DGKD: variants seen among roughly 807,000 people sequenced by gnomAD.
DGKD encodes the protein diacylglycerol kinase delta, also known as DAG kinase delta.
A neutral mutation model predicts 154.4 loss-of-function variants in DGKD; 68 were observed. The observed-to-expected ratio is 0.44, with a 90% CI of 0.36 to 0.54. DGKD has a LOEUF of 0.54. DGKD is among the 20% of genes least tolerant of loss of function. DGKD has a pLI of 0.00. For synonymous variants in DGKD, 693 were observed against 638.0 expected (o/e 1.09, Z -1.30); for missense variants, 1,343 against 1,593.6 (o/e 0.84, Z 2.68).
chr2:233,419,463 T>A, intron 3 of DGKD: 4 of 984,674 alleles, frequency 4.1e-6, no homozygotes, highest in Non-Finnish European at 4.8e-6. Context: ...ACTGGGAGGC[T>A]GTTGGGTGGT....
At chr2:233,413,105 AT>A (rs1559517585) in intron 3 of DGKD, among the ~76,000 whole-genome samples, 1 of 152,088 alleles carries the variant, frequency 6.6e-6, no homozygotes, top group Non-Finnish European at 1.5e-5. Context: ...ACTTTAAAAA[AT>A]AGAGAGTCAG....
At chr2:233,425,314 G>C (rs1429060655) in intron 3 of DGKD, among the ~76,000 whole-genome samples, 1 of 152,060 alleles carries the variant, frequency 6.6e-6, no homozygotes, top group Non-Finnish European at 1.5e-5. Flanking sequence ...AGCCTCCTGA[G>C]TAGCTGGGAC....
At chr2:233,415,338 C>A (rs1225942044) in intron 3 of DGKD, among the ~76,000 whole-genome samples, 1 of 152,198 alleles carries the variant, frequency 6.6e-6, no homozygotes, top group East Asian at 1.9e-4. Context: ...GAGATGCCTG[C>A]AGCAAGTGCC....
At chr2:233,380,196 T>G (rs1383810591) in intron 1 of DGKD, among the ~76,000 whole-genome samples, 1 of 152,190 alleles carries the variant, frequency 6.6e-6, no homozygotes, top group African/African-American at 2.4e-5. Flanking sequence ...CTTTTAGATT[T>G]GATGATGCTA....
At chr2:233,428,056 C>G (rs996389908) in intron 3 of DGKD, among the ~76,000 whole-genome samples, 13 of 152,172 alleles carry the variant, frequency 8.5e-5, no homozygotes, top group African/African-American at 2.9e-4. Flanking sequence ...GAATCAGCCT[C>G]CCGAAGAGAC....
rs962875624 is a variant in DGKD at position 233,451,130 on chromosome 2, C to A, written c.2167+80C>A. 7.5e-6 allele frequency: 11 copies of A among 1,475,510 alleles called. No homozygotes were observed. In the East Asian group the frequency reaches 2.5e-4, roughly 33 times the overall value. 91.4% of individuals were successfully genotyped at this position (1,475,510 alleles called of 1,614,324 possible). ...CGTCAAACTGAAAGAGATGGGCTCG[C>A]TGCCCTCGGAGAGTTTACAGGCCCC... On this transcript the variant is annotated intron_variant, in intron 17 of 29. Coordinates refer to ENST00000264057, the MANE Select transcript of DGKD (RefSeq NM_152879.3).
intron 2 of DGKD, 25 bp downstream of exon 2, chr2:233,388,392 A>C: frequency 6.3e-7 from 1 of 1,599,720 alleles, no homozygotes; most frequent in East Asian, 2.2e-5. Context: ...AGGAAAGCAC[A>C]CGCGAGGACA....
In DGKD at chr2:233,469,564, C is replaced by A; in HGVS notation, c.*104C>A. On this transcript the variant is annotated 3_prime_UTR_variant, in exon 30 of 30. Transcript: ENST00000264057. ...CGCCTCCTGCCACTGAGGCCCTGGG[C>A]AGATGCTGCAGCCCGCCCCCTTCTC... is the stretch of plus-strand genomic sequence containing the variant. 2.1e-6 allele frequency: 2 copies of A among 954,842 alleles called. No individual in the cohort carries two copies. Among genetic ancestry groups the A allele is most frequent in the Non-Finnish European group, 3.2e-6 (2 of 625,256 alleles). The allele number at this position is 954,842 out of a possible 1,614,324, so 59.1% of individuals were successfully genotyped here.
In DGKD at chr2:233,368,555, A is replaced by C. The variant is rs531544491; in HGVS notation, c.156+13881A>C. 9.8e-5 allele frequency among the ~76,000 whole-genome samples: 15 copies of C among 152,288 alleles called. No individual in the cohort carries two copies. The South Asian group carries it at 2.9e-3, about 29-fold the overall frequency. ...ATATTTGCTCACTTCAACCGAGTTA[A>C]GGACCACAGTTCCTCCTAAAAAGGC... is the stretch of plus-strand genomic sequence containing the variant. On this transcript the variant is annotated intron_variant, in intron 1 of 29. Transcript: ENST00000264057.
rs767075116 is a variant in DGKD, at chr2:233,448,377, T to C, written c.1614+2T>C. 1 of 1,612,968 alleles carries C rather than the reference T, an allele frequency of 6.2e-7. No individual in the cohort carries two copies. The highest frequency in any genetic ancestry group is 1.1e-5 in the South Asian group (1 of 90,990). The stretch of plus-strand genomic sequence containing the variant: ...GAGTCAGAGGTCATGGCCAAGAAGG[T>C]CTGTTCCCGTGCCCTGGGTGGGAGG... On this transcript the variant is annotated splice_donor_variant, in intron 14 of 29. Coordinates refer to ENST00000264057, the MANE Select transcript of DGKD (RefSeq NM_152879.3). LOFTEE classifies it high-confidence loss of function.
chr2:233,437,590 A>C (rs773869249), intron 8 of DGKD, 111 bp downstream of exon 8: 201 of 1,068,086 alleles, frequency 1.9e-4, no homozygotes, highest in Non-Finnish European at 2.5e-4. Flanking sequence ...TGTCAGCAAG[A>C]GGTCAGGCAC....
At chr2:233,355,885 G>A (rs554814092) in intron 1 of DGKD, among the ~76,000 whole-genome samples, 8 of 152,282 alleles carry the variant, frequency 5.3e-5, no homozygotes, top group East Asian at 1.9e-4. Flanking sequence ...TATCATCTCC[G>A]TCTTTTGGAA....
chr2:233,365,485 T>C (rs1304826368), intron 1 of DGKD, among the ~76,000 whole-genome samples: 4 of 152,148 alleles, frequency 2.6e-5, no homozygotes, highest in Non-Finnish European at 5.9e-5. Context: ...CCTCAGGTGA[T>C]CCACCTGCCT....
At chr2:233,419,497 T>A in intron 3 of DGKD, 1 of 962,672 alleles carries the variant, frequency 1.0e-6, no homozygotes, top group Non-Finnish European at 1.2e-6. Flanking sequence ...GGGTTTGGAA[T>A]TAAGCGGAAG....
At position 233,459,723 on chromosome 2, in the gene DGKD, C is replaced by G. The variant is rs771035747; in HGVS notation, c.2695-34C>G. On this transcript the variant is annotated intron_variant, in intron 22 of 29. Transcript: ENST00000264057. The surrounding 1 kb of genome is among the most constrained non-coding windows in gnomAD (Gnocchi z 5.7). ...ACTTTTAAACCCCTGGGGGTTTTGG[C>G]TCAGCATGAGTAATGGCTATGATGT... 6.2e-7 allele frequency: 1 copy of G among 1,605,274 alleles called. No homozygotes were observed. Among genetic ancestry groups the G allele is most frequent in the Admixed American group, 1.7e-5 (1 of 59,244 alleles).
chr2:233,421,009 C>T lies in DGKD; in HGVS notation c.349-13371C>T, dbSNP rs990493717. ...TTGACTGGTGATCGTCAAATTACCTCCAGAACTATCAGCAGCAGTGGTCAC... is the reference window on the plus strand; with the variant it reads ...TTGACTGGTGATCGTCAAATTACCTTCAGAACTATCAGCAGCAGTGGTCAC... On this transcript the variant is annotated intron_variant, in intron 3 of 29. Coordinates refer to ENST00000264057, the MANE Select transcript of DGKD (RefSeq NM_152879.3). 2.1e-4 allele frequency among the ~76,000 whole-genome samples: 32 copies of T among 152,164 alleles called. 1 individual carries two copies. Among genetic ancestry groups the T allele is most frequent in the Admixed American group, 3.9e-4 (6 of 15,284 alleles).
At chr2:233,456,338 G>A (rs2063461002) in intron 19 of DGKD, among the ~76,000 whole-genome samples, 1 of 152,230 alleles carries the variant, frequency 6.6e-6, no homozygotes, top group South Asian at 2.1e-4. Context: ...GGCCACAGAA[G>A]GAAGCATTGC....
chr2:233,464,750 C>G (rs1251747904), intron 27 of DGKD, among the ~76,000 whole-genome samples: 1 of 152,220 alleles, frequency 6.6e-6, no homozygotes, highest in Non-Finnish European at 1.5e-5. Flanking sequence ...GACCCGAGGA[C>G]GCAGGGCATA....
At chr2:233,357,984 T>C (rs1037012976) in intron 1 of DGKD, among the ~76,000 whole-genome samples, 2 of 152,248 alleles carry the variant, frequency 1.3e-5, no homozygotes, top group African/African-American at 2.4e-5. Flanking sequence ...CTTTAGCATA[T>C]TGAAAATTTG....
Sources: allele counts gnomAD v4.1 joint callset (sites outside exome capture counted in the v4.1 genomes callset), GRCh38; gene constraint gnomAD v4.1.1; non-coding constraint Gnocchi (gnomAD v3.1); transcripts MANE v1.5; gene names NCBI Gene and HGNC (gene_info 2026-07-23, HGNC 2026-07-21).